The following SLC35E4 variants were observed in gnomAD, a reference collection of about 807,000 sequenced individuals.
SLC35E4 encodes solute carrier family 35 member E4.
SLC35E4 carries 15 observed loss-of-function variants against 19.3 expected under a neutral mutation model. The ratio of observed to expected loss-of-function variants is 0.78; its 90% CI spans 0.52 to 1.20. SLC35E4 has a LOEUF of 1.20. SLC35E4 is among the 50% of genes most tolerant of loss of function. The pLI is 0.00. For synonymous variants in SLC35E4, 219 were observed against 219.9 expected (o/e 1.00, Z 0.04); for missense variants, 406 against 472.3 (o/e 0.86, Z 1.30).
intron 1 of SLC35E4, among the ~76,000 whole-genome samples, chr22:30,645,819 ATT>A (rs1179064724): frequency 5.4e-4 from 66 of 122,702 alleles, no homozygotes; most frequent in Middle Eastern, 4.6e-3. Context: ...TACCTGACCG[ATT>A]TTTTTTTTTT....
Position 30,647,871 on chromosome 22 carries a change from CA to C in SLC35E4, c.*843del, listed in dbSNP as rs2088161696. On this transcript the variant is annotated 3_prime_UTR_variant, in exon 2 of 2. Coordinates refer to ENST00000343605, the MANE Select transcript of SLC35E4 (RefSeq NM_001001479.4). ...CCCCCAATTTTGGGTCATCCATCCT[CA>C]AATACACTATTTTTGCTTGTATGCC... 6.6e-6 allele frequency: 1 copy of C among 152,434 alleles called. No homozygotes were observed. The highest frequency in any genetic ancestry group is 6.5e-5 in the Admixed American group (1 of 15,290). The allele number at this position is 152,434 out of a possible 1,614,324, so 9.4% of individuals were successfully genotyped here.
intron 1 of SLC35E4, among the ~76,000 whole-genome samples, chr22:30,640,605 C>T (rs555297574): frequency 1.3e-5 from 2 of 152,258 alleles, no homozygotes; most frequent in African/African-American, 2.4e-5. Flanking sequence ...GCATCTGAGT[C>T]GCAGCCTCTA....
chr22:30,642,750 C>G (rs938660884), intron 1 of SLC35E4, among the ~76,000 whole-genome samples: 1 of 141,902 alleles, frequency 7.0e-6, no homozygotes, highest in Non-Finnish European at 1.5e-5. Flanking sequence ...AAAAAAAAGG[C>G]CAGGCACGGT....
At chr22:30,668,496 C>G (rs2088758702) in exon 3 of SLC35E4, 1 of 152,658 alleles carries the variant, frequency 6.6e-6, no homozygotes, top group Admixed American at 6.5e-5. Flanking sequence ...CCGGAACTCC[C>G]TCGCCTGGAC....
At chr22:30,651,267 C>G (rs2088204311), downstream of SLC35E4, among the ~76,000 whole-genome samples, 1 of 150,508 alleles carries the variant, frequency 6.6e-6, no homozygotes, top group African/African-American at 2.5e-5. Context: ...GTGGTGCAAT[C>G]TTGGCTCACT....
Position 30,646,663 on chromosome 22 carries a change from T to A in SLC35E4, c.685T>A (p.Phe229Ile). 1 of 1,612,832 alleles carries A rather than the reference T, an allele frequency of 6.2e-7. No homozygotes were observed. The highest frequency in any genetic ancestry group is 8.5e-7 in the Non-Finnish European group (1 of 1,179,668). The change falls in exon 2 of 2, where the codon TTC becomes ATC. Residue 229 changes from phenylalanine (F) to isoleucine (I), a missense_variant. Phe to Ile is a conservative substitution (Grantham distance 21, BLOSUM62 0). Coordinates refer to ENST00000343605, the MANE Select transcript of SLC35E4 (RefSeq NM_001001479.4). ...GCTTTACGCCACCTCGCTGCCCAGC[T>A]TCTGCCTGCTGGCGGGTGCAGCCCT... ...TLLYATSLPS[F>I]CLLAGAALVL...
downstream of SLC35E4, among the ~76,000 whole-genome samples, chr22:30,664,334 C>T (rs2088576881): frequency 6.6e-6 from 1 of 152,230 alleles, no homozygotes; most frequent in Admixed American, 6.5e-5. Flanking sequence ...GTGCACTGCC[C>T]TATAGGACAA....
At chr22:30,639,682 G>C (rs572814713) in intron 1 of SLC35E4, among the ~76,000 whole-genome samples, 26 of 152,324 alleles carry the variant, frequency 1.7e-4, no homozygotes, top group Non-Finnish European at 3.2e-4. Flanking sequence ...TCTCCCATTT[G>C]CTTTTGAAAG....
intron 2 of SLC35E4, among the ~76,000 whole-genome samples, chr22:30,658,391 T>G (rs1012552249): frequency 2.6e-5 from 4 of 151,948 alleles, no homozygotes; most frequent in African/African-American, 9.7e-5. Context: ...AAAAAATTTT[T>G]TTTTTTTGGG....
chr22:30,650,073 T>C (rs1002941080), downstream of SLC35E4, among the ~76,000 whole-genome samples: 1 of 149,542 alleles, frequency 6.7e-6, no homozygotes, highest in African/African-American at 2.5e-5. Flanking sequence ...GGCTCACGCC[T>C]GTAATCCCAG....
At chr22:30,655,536 T>C (rs1198685729) in intron 2 of SLC35E4, among the ~76,000 whole-genome samples, 1 of 151,632 alleles carries the variant, frequency 6.6e-6, no homozygotes, top group Non-Finnish European at 1.5e-5. Flanking sequence ...GAAAAGTAAT[T>C]ACAAATGTTT....
chr22:30,642,151 A>G (rs1211509931), intron 1 of SLC35E4, among the ~76,000 whole-genome samples: 2 of 151,918 alleles, frequency 1.3e-5, no homozygotes, highest in African/African-American at 4.8e-5. Context: ...AGCTAGGACT[A>G]TAGGCGTGCC....
In SLC35E4 at chr22:30,636,124, A is replaced by G. The variant is rs2087940476; in HGVS notation, c.-327A>G. 3.0e-6 allele frequency: 1 copy of G among 334,028 alleles called. No individual in the cohort carries two copies. Among genetic ancestry groups the G allele is most frequent in the Non-Finnish European group, 5.5e-6 (1 of 182,846 alleles). 20.7% of individuals were successfully genotyped at this position (334,028 alleles called of 1,614,324 possible). A position where few individuals can be genotyped will look rare whatever the true frequency, so the allele number is the denominator to read the frequency against. On this transcript the variant is annotated 5_prime_UTR_variant, in exon 1 of 2. Transcript: ENST00000343605. ...GAAAAAAGGAACGAGGATTTCATCT[A>G]AAAGCATAACGTGGGCACTAGGCGA...
chr22:30,663,889 G>A, downstream of SLC35E4: 2 of 1,614,198 alleles, frequency 1.2e-6, no homozygotes, highest in Non-Finnish European at 1.7e-6. Context: ...GACAGCATGA[G>A]CTTGTTGTTG....
downstream of SLC35E4, chr22:30,649,115 C>A (rs1473300716): frequency 1.4e-6 from 1 of 713,528 alleles, no homozygotes; most frequent in Non-Finnish European, 2.6e-6. Flanking sequence ...ACACCTGGAA[C>A]CTAATCCTGC....
chr22:30,647,041 G>T lies in SLC35E4; in HGVS notation c.*10G>T. 6.3e-7 allele frequency: 1 copy of T among 1,578,690 alleles called. No individual in the cohort carries two copies. The highest frequency in any genetic ancestry group is 8.6e-7 in the Non-Finnish European group (1 of 1,163,512). ...CAGCAAGGGTCTTTGAGACCTGGGG[G>T]ATCTCAGGAGCCACCTGGGATGGCC... is the stretch of plus-strand genomic sequence containing the variant. On this transcript the variant is annotated 3_prime_UTR_variant, in exon 2 of 2. Coordinates refer to ENST00000343605, the MANE Select transcript of SLC35E4 (RefSeq NM_001001479.4).
At chr22:30,667,657 C>T (rs1254115721), downstream of SLC35E4, 2 of 152,706 alleles carry the variant, frequency 1.3e-5, no homozygotes, top group African/African-American at 4.8e-5. Flanking sequence ...GAAATCCTGG[C>T]CTCGGCTCCA....
At position 30,636,618 on chromosome 22, in the gene SLC35E4, G is replaced by A. The variant is rs1406315144; in HGVS notation, c.168G>A (p.Trp56Ter). 1 of 1,608,728 alleles carries A rather than the reference G, an allele frequency of 6.2e-7. No homozygotes were observed. Among genetic ancestry groups the A allele is most frequent in the South Asian group, 1.1e-5 (1 of 90,818 alleles). ...RARVAMAALVWLLAGASMSSL... is the reference protein window; with the variant it reads ...RARVAMAALV ...GAGTGGCCATGGCAGCACTGGTGTG[G>A]CTGCTGGCGGGAGCCAGCATGTCAA... Residue 56 changes from tryptophan (W) to a stop codon, truncating the protein, a stop_gained, in exon 1 of 2, where the codon TGG becomes TGA. Transcript: ENST00000343605. LOFTEE classifies it high-confidence loss of function.
At chr22:30,646,522 G>A (rs956654820) in intron 1 of SLC35E4, 76 bp from the exon 2 acceptor site, 12 of 1,494,688 alleles carry the variant, frequency 8.0e-6, no homozygotes, top group African/African-American at 4.2e-5. Context: ...TTGGAGGATC[G>A]GCCATAGGGG....
Sources: allele counts gnomAD v4.1 joint callset (sites outside exome capture counted in the v4.1 genomes callset), GRCh38; gene constraint gnomAD v4.1.1; transcripts MANE v1.5; gene names NCBI Gene and HGNC (gene_info 2026-07-23, HGNC 2026-07-21).